KLF8: variants seen among roughly 807,000 people sequenced by gnomAD.
KLF8 encodes the protein KLF transcription factor 8.
KLF8 carries 10 observed loss-of-function variants against 18.2 expected under a neutral mutation model. The ratio of observed to expected loss-of-function variants is 0.55; its 90% CI spans 0.34 to 0.93. KLF8 has a LOEUF of 0.93. Ranked by LOEUF, KLF8 falls within the 40% of genes least tolerant of loss-of-function variation. KLF8 has a pLI of 0.02. For missense variants in KLF8, 264 were observed against 277.9 expected (o/e 0.95, Z 0.36); for synonymous variants, 109 against 97.3 (o/e 1.12, Z -0.71).
At chrX:56,200,458 G>A in the KLF8 span, among the ~76,000 whole-genome samples, 4 of 110,531 alleles carry the variant, frequency 3.6e-5, no homozygotes, top group African/African-American at 9.8e-5. Context: ...TGGGCCTTTA[G>A]CTTAGATGAC....
At position 56,290,483 on chromosome X, in the gene KLF8, A is replaced by G. The variant is rs1041134827; in HGVS notation, c.*5989A>G. On this transcript the variant is annotated 3_prime_UTR_variant, in exon 6 of 6. Transcript: ENST00000468660. The stretch of plus-strand genomic sequence containing the variant: ...TTATTCTCTTACTTTCACTTTCCCT[A>G]TATCTTCTTTGTTACTAACAATACG... 6.3e-5 allele frequency among the ~76,000 whole-genome samples: 7 copies of G among 111,580 alleles called. No individual in the cohort carries two copies. Among genetic ancestry groups the G allele is most frequent in the African/African-American group, 2.3e-4 (7 of 30,740 alleles).
the KLF8 span, among the ~76,000 whole-genome samples, chrX:56,000,470 T>G: frequency 5.5e-5 from 2 of 36,324 alleles, no homozygotes; most frequent in Non-Finnish European, 1.2e-4. Flanking sequence ...TCCTGTGCTT[T>G]TTCTTGGGGG....
the KLF8 span, among the ~76,000 whole-genome samples, chrX:56,146,416 C>T: frequency 2.7e-5 from 3 of 111,496 alleles, no homozygotes; most frequent in African/African-American, 9.8e-5. Flanking sequence ...TTTGCAGAGA[C>T]ATGGATGAAG....
the KLF8 span, among the ~76,000 whole-genome samples, chrX:56,083,315 A>G: frequency 4.4e-5 from 5 of 112,390 alleles, no homozygotes; most frequent in Admixed American, 9.5e-5. Context: ...ATAACATAAC[A>G]TTAACATGTA....
rs951704456 is a variant in KLF8 at position 56,288,974 on chromosome X, A to T, written c.*4480A>T. Among the ~76,000 whole-genome samples the T allele has an allele frequency of 9.0e-6, 1 of 111,570 alleles. No individual in the cohort carries two copies. Among genetic ancestry groups the T allele is most frequent in the African/African-American group, 3.3e-5 (1 of 30,692 alleles). On this transcript the variant is annotated 3_prime_UTR_variant, in exon 6 of 6. Coordinates refer to ENST00000468660, the MANE Select transcript of KLF8 (RefSeq NM_007250.5). ...CTGTACTCTCTGAAAGGAAATCACTATGTGCAGCCCATGCTTCTGGAGTGG... is the reference window on the plus strand; with the variant it reads ...CTGTACTCTCTGAAAGGAAATCACTTTGTGCAGCCCATGCTTCTGGAGTGG...
At chrX:56,097,438 A>G in the KLF8 span, among the ~76,000 whole-genome samples, 1 of 103,474 alleles carries the variant, frequency 9.7e-6, no homozygotes, top group African/African-American at 3.6e-5. Context: ...CAAGCTATCC[A>G]CCCACCTCAG....
chrX:55,997,339 T>C, the KLF8 span, among the ~76,000 whole-genome samples: 1 of 111,805 alleles, frequency 8.9e-6, no homozygotes. Flanking sequence ...CCCTCTGGGG[T>C]CTGTACTGAC....
the KLF8 span, among the ~76,000 whole-genome samples, chrX:56,196,372 A>G: frequency 9.0e-6 from 1 of 111,330 alleles, no homozygotes; most frequent in Non-Finnish European, 1.9e-5. Context: ...GCTCAAAATA[A>G]AGGGATGAAG....
chrX:56,096,330 C>G, the KLF8 span, among the ~76,000 whole-genome samples: 3 of 110,965 alleles, frequency 2.7e-5, no homozygotes, highest in African/African-American at 9.8e-5. Flanking sequence ...TGAAAAATTA[C>G]CTATTGGGTA....
At chrX:56,173,070 G>GT in the KLF8 span, among the ~76,000 whole-genome samples, 6,001 of 110,996 alleles carry the variant, frequency 0.054, 424 homozygotes, top group African/African-American at 0.19. Flanking sequence ...TCTGATGGTA[G>GT]TTTTTTTTGC....
At chrX:55,935,015 C>T in the KLF8 span, among the ~76,000 whole-genome samples, 2 of 111,837 alleles carry the variant, frequency 1.8e-5, no homozygotes, top group Non-Finnish European at 3.8e-5. Context: ...GAGTGGAGCA[C>T]AGAATGATTA....
chrX:56,052,131 A>C, the KLF8 span, among the ~76,000 whole-genome samples: 1 of 111,166 alleles, frequency 9.0e-6, no homozygotes, highest in Non-Finnish European at 1.9e-5. Flanking sequence ...AGCTCCTTTA[A>C]GCACTTCTCT....
At chrX:56,080,896 A>G in the KLF8 span, among the ~76,000 whole-genome samples, 1 of 109,717 alleles carries the variant, frequency 9.1e-6, no homozygotes, top group Non-Finnish European at 1.9e-5. Flanking sequence ...CATTTCATTC[A>G]TTTCATCTTC....
the KLF8 span, among the ~76,000 whole-genome samples, chrX:56,223,829 G>C: frequency 8.9e-6 from 1 of 112,707 alleles, no homozygotes; most frequent in Admixed American, 9.3e-5. Flanking sequence ...CTCATCTCTA[G>C]GGAGAAAAGC....
At chrX:56,098,057 G>A in the KLF8 span, among the ~76,000 whole-genome samples, 183 of 111,014 alleles carry the variant, frequency 1.6e-3, 2 homozygotes, top group African/African-American at 5.4e-3. Context: ...TAGGAGGTAG[G>A]GGCTGAGTGA....
At chrX:56,212,436 T>C in the KLF8 span, among the ~76,000 whole-genome samples, 1 of 112,357 alleles carries the variant, frequency 8.9e-6, no homozygotes, top group Non-Finnish European at 1.9e-5. Flanking sequence ...TCAAGTTTAC[T>C]TAGAAACCTA....
At chrX:56,161,860 T>C in the KLF8 span, among the ~76,000 whole-genome samples, 1 of 111,831 alleles carries the variant, frequency 8.9e-6, no homozygotes, top group East Asian at 2.8e-4. Flanking sequence ...TTTTTAGAGT[T>C]TCCAGTTTTT....
chrX:56,227,874 AACACACACACACACACACAC>A (rs72391707), upstream of KLF8, among the ~76,000 whole-genome samples: 1 of 85,523 alleles, frequency 1.2e-5, no homozygotes, highest in African/African-American at 4.4e-5. Flanking sequence ...CCCTAGCCCC[AACACACACACACACACACAC>A]ACACACACAC....
the KLF8 span, among the ~76,000 whole-genome samples, chrX:56,080,378 T>A: frequency 9.0e-6 from 1 of 111,487 alleles, no homozygotes; most frequent in East Asian, 2.8e-4. Context: ...TGCTTGTCTG[T>A]AAAGGATTTT....
Sources: allele counts gnomAD v4.1 joint callset (sites outside exome capture counted in the v4.1 genomes callset), GRCh38; gene constraint gnomAD v4.1.1; transcripts MANE v1.5; gene names NCBI Gene and HGNC (gene_info 2026-07-23, HGNC 2026-07-21).